ARL15: variants seen among roughly 807,000 people sequenced by gnomAD.
ARL15 encodes the protein ADP-ribosylation factor-like protein 15.
A neutral mutation model predicts 25.2 loss-of-function variants in ARL15; 19 were observed. The observed-to-expected ratio is 0.75, with a 90% CI of 0.53 to 1.10. The LOEUF (loss-of-function observed/expected upper bound fraction) is 1.10. Among genes scored for constraint, ARL15 ranks in the 50% least tolerant of loss-of-function variants. The pLI, the probability that ARL15 is intolerant of heterozygous loss-of-function variation, is 0.00. For synonymous variants in ARL15, 94 were observed against 86.8 expected, an observed-to-expected ratio of 1.08 and a Z score of -0.46; for missense variants, 220 against 246.0, an observed-to-expected ratio of 0.89 and a Z score of 0.71.
At chr5:53,909,575 G>A (rs539207789) in intron 4 of ARL15, among the ~76,000 whole-genome samples, 16 of 152,124 alleles carry the variant, frequency 1.1e-4, no homozygotes, top group Admixed American at 2.0e-4. Flanking sequence ...GCGTGGTGGC[G>A]CATGCCTCTA....
chr5:54,134,962 T>C (rs1045740776), intron 3 of ARL15, among the ~76,000 whole-genome samples: 5 of 152,172 alleles, frequency 3.3e-5, no homozygotes, highest in African/African-American at 1.2e-4. Context: ...CTGATACATG[T>C]TTACATATTT....
chr5:54,041,324 ATTACT>A (rs1203093278), intron 4 of ARL15, among the ~76,000 whole-genome samples: 4 of 152,226 alleles, frequency 2.6e-5, no homozygotes, highest in African/African-American at 9.6e-5. Flanking sequence ...TTTGATATAG[ATTACT>A]TTATTGACAA....
chr5:53,985,676 A>ATG (rs1301977347), intron 4 of ARL15, among the ~76,000 whole-genome samples: 13 of 152,204 alleles, frequency 8.5e-5, no homozygotes, highest in Non-Finnish European at 5.9e-5. Context: ...ATTCCATTGC[A>ATG]TGTGTATATA....
At chr5:54,192,640 T>C (rs369367214) in intron 1 of ARL15, among the ~76,000 whole-genome samples, 19 of 115,566 alleles carry the variant, frequency 1.6e-4, no homozygotes, top group African/African-American at 6.1e-4. Flanking sequence ...ACTAAGGTCA[T>C]GCTAATGACA....
chr5:53,914,380 CA>C (rs767822548), intron 4 of ARL15, among the ~76,000 whole-genome samples: 2 of 152,108 alleles, frequency 1.3e-5, no homozygotes, highest in Non-Finnish European at 2.9e-5. Context: ...GCTGTCTCCC[CA>C]AATATACCAT....
chr5:53,989,465 T>A (rs1463911069), intron 4 of ARL15, among the ~76,000 whole-genome samples: 1 of 152,116 alleles, frequency 6.6e-6, no homozygotes, highest in Admixed American at 6.5e-5. Context: ...AAAATGTGAG[T>A]CAATAATCAC....
At chr5:54,081,203 A>T (rs1751788055) in intron 4 of ARL15, among the ~76,000 whole-genome samples, 1 of 152,214 alleles carries the variant, frequency 6.6e-6, no homozygotes, top group African/African-American at 2.4e-5. Flanking sequence ...TGCGTTATAT[A>T]AAGGATTTTT....
intron 2 of ARL15, among the ~76,000 whole-genome samples, chr5:54,170,130 G>A (rs988364192): frequency 1.3e-5 from 2 of 152,132 alleles, no homozygotes; most frequent in African/African-American, 4.8e-5. Context: ...CAACCATCAC[G>A]TAAGCCAGGA....
intron 4 of ARL15, among the ~76,000 whole-genome samples, chr5:53,998,100 T>A (rs140264982): frequency 1.6e-3 from 240 of 152,256 alleles, no homozygotes; most frequent in Non-Finnish European, 2.4e-3. Flanking sequence ...AACCTCCTCA[T>A]GCCTCAGTTT....
rs148966077 is a variant in ARL15 at position 54,153,645 on chromosome 5, G to A, written c.253+935C>T. On this transcript the variant is annotated intron_variant, in intron 3 of 4. Coordinates refer to ENST00000504924, the MANE Select transcript of ARL15 (RefSeq NM_019087.3). ...CTAAAAGTGAATATGAAATTGACTGGCAGAAGCGAACCTGTCCTACACATA... is the reference window on the plus strand; with the variant it reads ...CTAAAAGTGAATATGAAATTGACTGACAGAAGCGAACCTGTCCTACACATA... Among the ~76,000 whole-genome samples the A allele has an allele frequency of 2.4e-4, 36 of 152,200 alleles. 1 individual carries two copies. The East Asian group carries it at 5.6e-3, about 24-fold the overall frequency.
chr5:53,894,542 T>TTA (rs1255968640), intron 4 of ARL15, among the ~76,000 whole-genome samples: 1 of 152,224 alleles, frequency 6.6e-6, no homozygotes, highest in Admixed American at 6.5e-5. Flanking sequence ...GGGGCTTGTT[T>TTA]TATTCTTCTA....
intron 4 of ARL15, among the ~76,000 whole-genome samples, chr5:54,089,674 T>C (rs1460551743): frequency 1.3e-5 from 2 of 152,130 alleles, no homozygotes; most frequent in East Asian, 3.9e-4. Flanking sequence ...TCACCAATCC[T>C]ATTCAAAATT....
At chr5:54,243,594 A>C (rs977107180) in intron 1 of ARL15, among the ~76,000 whole-genome samples, 1 of 152,234 alleles carries the variant, frequency 6.6e-6, no homozygotes, top group Non-Finnish European at 1.5e-5. Context: ...CTTAGAGTCC[A>C]GACAAGACAA....
chr5:53,990,233 T>TA (rs75093797), intron 4 of ARL15, among the ~76,000 whole-genome samples: 93,339 of 147,830 alleles, frequency 0.63, 29,707 homozygotes, highest in East Asian at 0.86. Flanking sequence ...GCCCTGTCTC[T>TA]AAAAAAAAAA....
chr5:54,069,700 TAC>T (rs979321409), intron 4 of ARL15, among the ~76,000 whole-genome samples: 5 of 151,284 alleles, frequency 3.3e-5, no homozygotes, highest in Admixed American at 3.3e-4. Flanking sequence ...CACGCTGGAG[TAC>T]AGTGGCGCAA....
chr5:54,119,653 T>C (rs1753012623), intron 3 of ARL15, among the ~76,000 whole-genome samples: 1 of 152,178 alleles, frequency 6.6e-6, no homozygotes, highest in South Asian at 2.1e-4. Flanking sequence ...ATTCCTACCA[T>C]GTTCCTCTGT....
chr5:54,307,944 T>C (rs192436370), intron 1 of ARL15: 3 of 152,328 alleles, frequency 2.0e-5, no homozygotes, highest in South Asian at 2.1e-4. Context: ...GCATTTTTTT[T>C]CCCTGCAAGG....
intron 1 of ARL15, among the ~76,000 whole-genome samples, chr5:54,173,723 A>C: frequency 6.6e-6 from 1 of 152,098 alleles, no homozygotes; most frequent in East Asian, 1.9e-4. Flanking sequence ...TTGCTTATAA[A>C]GAGAAAATCT....
At chr5:54,087,367 A>G (rs1751998187) in intron 4 of ARL15, among the ~76,000 whole-genome samples, 1 of 152,118 alleles carries the variant, frequency 6.6e-6, no homozygotes, top group Non-Finnish European at 1.5e-5. Context: ...TAACCTATAC[A>G]TGGTACTGCC....
Sources: gnomAD v4.1 joint callset for allele counts (sites outside exome capture counted in the v4.1 genomes callset) on GRCh38, gnomAD v4.1.1 for gene constraint, MANE v1.5 for transcripts, NCBI Gene and HGNC (gene_info 2026-07-23, HGNC 2026-07-21) for gene names.